The following CHRM3 variants were observed in gnomAD, a reference collection of about 807,000 sequenced individuals.
CHRM3 encodes muscarinic acetylcholine receptor M3.
A neutral mutation model predicts 41.8 loss-of-function variants in CHRM3; 11 were observed. The ratio of observed to expected loss-of-function variants is 0.26; its 90% CI spans 0.17 to 0.44. CHRM3 has a LOEUF of 0.44. Ranked by LOEUF, CHRM3 falls within the 20% of genes least tolerant of loss-of-function variation. The pLI is 1.00. For missense variants in CHRM3, 571 were observed against 745.4 expected, an observed-to-expected ratio of 0.77 and a Z score of 2.72; for synonymous variants, 297 against 301.4, an observed-to-expected ratio of 0.99 and a Z score of 0.15.
chr1:239,481,460 C>T (rs535699044), intron 1 of CHRM3, among the ~76,000 whole-genome samples: 1 of 152,154 alleles, frequency 6.6e-6, no homozygotes, highest in African/African-American at 2.4e-5. Flanking sequence ...ATAAAAAATA[C>T]TTTTGCTGAT....
chr1:239,438,206 AT>A (rs1000226089), intron 1 of CHRM3, among the ~76,000 whole-genome samples: 3 of 151,980 alleles, frequency 2.0e-5, no homozygotes, highest in Admixed American at 6.6e-5. Context: ...CCACTATAGA[AT>A]TTTTTTTCTT....
chr1:239,728,747 C>A (rs1663678078), intron 5 of CHRM3, among the ~76,000 whole-genome samples: 1 of 151,946 alleles, frequency 6.6e-6, no homozygotes, highest in Admixed American at 6.6e-5. Context: ...ATCTACTAAA[C>A]CTTTTTGTCA....
Position 239,386,776 on chromosome 1 carries a change from GA to G in CHRM3, c.-967del. ...GATAAAGAAGGAGACGGAAAGAAGA[GA>G]AAAAGTGAGGCGGGAGACAGAGGGA... On this transcript the variant is annotated 5_prime_UTR_variant, in exon 1 of 7. Transcript: ENST00000676153. 2 of 152,938 alleles carry G rather than the reference GA, an allele frequency of 1.3e-5. No individual in the cohort carries two copies. Among genetic ancestry groups the G allele is most frequent in the Non-Finnish European group, 2.9e-5 (2 of 68,536 alleles). The allele number at this position is 152,938 out of a possible 1,614,324, so 9.5% of individuals were successfully genotyped here.
At chr1:239,721,776 T>TATATGCACTCGTGTGTATC (rs1462159103) in intron 5 of CHRM3, among the ~76,000 whole-genome samples, 1 of 151,926 alleles carries the variant, frequency 6.6e-6, no homozygotes, top group Non-Finnish European at 1.5e-5. Context: ...TGATTCAGAT[T>TATATGCACTCGTGTGTATC]ATATGCACTC....
chr1:239,463,194 A>C (rs150223565), intron 1 of CHRM3, among the ~76,000 whole-genome samples: 522 of 152,312 alleles, frequency 3.4e-3, no homozygotes, highest in South Asian at 0.011. Flanking sequence ...GATAGAGTGA[A>C]TACATGAATA....
At chr1:239,496,777 G>T (rs1572502987) in intron 2 of CHRM3, among the ~76,000 whole-genome samples, 1 of 151,850 alleles carries the variant, frequency 6.6e-6, no homozygotes, top group Admixed American at 6.6e-5. Flanking sequence ...CTGCAGTTAG[G>T]GTCCTCTTTG....
chr1:239,506,411 A>G (rs1572535086), intron 2 of CHRM3, among the ~76,000 whole-genome samples: 1 of 152,274 alleles, frequency 6.6e-6, no homozygotes, highest in East Asian at 1.9e-4. Context: ...TCAGGCTGTT[A>G]TTTTAGAGGG....
intron 1 of CHRM3, among the ~76,000 whole-genome samples, chr1:239,400,862 A>G (rs1659909952): frequency 6.6e-6 from 1 of 152,106 alleles, no homozygotes; most frequent in Admixed American, 6.5e-5. Context: ...TTAAATAGAA[A>G]TTGTTATTAT....
At chr1:239,424,449 A>C (rs1388975402) in intron 1 of CHRM3, among the ~76,000 whole-genome samples, 1 of 152,194 alleles carries the variant, frequency 6.6e-6, no homozygotes, top group Non-Finnish European at 1.5e-5. Context: ...CCTTGTGGAA[A>C]CTGAAATGGA....
intron 5 of CHRM3, among the ~76,000 whole-genome samples, chr1:239,816,206 G>A (rs573634157): frequency 7.2e-5 from 11 of 152,234 alleles, no homozygotes; most frequent in Non-Finnish European, 1.2e-4. Context: ...CAGAGAAGGC[G>A]GTGCTTTGCG....
chr1:239,702,336 G>A (rs1230618153), intron 5 of CHRM3, among the ~76,000 whole-genome samples: 1 of 152,050 alleles, frequency 6.6e-6, no homozygotes, highest in African/African-American at 2.4e-5. Flanking sequence ...ATTCAGTTCT[G>A]GCATTTATAT....
At chr1:239,785,216 A>G (rs1346694741) in intron 5 of CHRM3, among the ~76,000 whole-genome samples, 1 of 152,166 alleles carries the variant, frequency 6.6e-6, no homozygotes, top group Non-Finnish European at 1.5e-5. Context: ...GCTCCCCTAT[A>G]AAAGCCAAGC....
chr1:239,619,505 T>G (rs1287638226), intron 3 of CHRM3, among the ~76,000 whole-genome samples: 4 of 152,234 alleles, frequency 2.6e-5, no homozygotes, highest in Admixed American at 6.5e-5. Flanking sequence ...GAGCCAATAT[T>G]GTTACTGATT....
At chr1:239,659,575 C>T (rs925100852) in intron 4 of CHRM3, among the ~76,000 whole-genome samples, 3 of 152,160 alleles carry the variant, frequency 2.0e-5, no homozygotes, top group South Asian at 2.1e-4. Flanking sequence ...ACTTGAAATG[C>T]GACTAGTGGC....
chr1:239,449,632 A>G (rs927265500), intron 1 of CHRM3, among the ~76,000 whole-genome samples: 2 of 152,222 alleles, frequency 1.3e-5, no homozygotes, highest in Non-Finnish European at 2.9e-5. Context: ...TATTAAGTAG[A>G]ATAGATACTA....
chr1:239,877,859 G>T (rs1025619760), intron 6 of CHRM3, among the ~76,000 whole-genome samples: 19 of 151,236 alleles, frequency 1.3e-4, no homozygotes, highest in African/African-American at 4.6e-4. Flanking sequence ...TGATTCAAGT[G>T]CATTACATTT....
chr1:239,432,940 A>AT (rs1662941647), intron 1 of CHRM3, among the ~76,000 whole-genome samples: 2 of 152,130 alleles, frequency 1.3e-5, no homozygotes, highest in Non-Finnish European at 2.9e-5. Flanking sequence ...GTTCTGTCCT[A>AT]TTTTTACTCT....
chr1:239,875,416 C>T (rs950009757), intron 6 of CHRM3, among the ~76,000 whole-genome samples: 6 of 152,216 alleles, frequency 3.9e-5, no homozygotes, highest in Non-Finnish European at 7.3e-5. Context: ...TCCCAGTAAA[C>T]TTTATGTGTA....
intron 2 of CHRM3, among the ~76,000 whole-genome samples, chr1:239,536,304 T>A (rs1480169920): frequency 6.6e-6 from 1 of 152,170 alleles, no homozygotes; most frequent in Non-Finnish European, 1.5e-5. Context: ...AAATCCTAGC[T>A]GGAAGACACG....
Sources: allele counts gnomAD v4.1 joint callset (sites outside exome capture counted in the v4.1 genomes callset), GRCh38; gene constraint gnomAD v4.1.1; transcripts MANE v1.5; gene names NCBI Gene and HGNC (gene_info 2026-07-23, HGNC 2026-07-21).